The following TFEC variants were observed in gnomAD, a reference collection of about 807,000 sequenced individuals.
TFEC encodes class E basic helix-loop-helix protein 34.
Under a neutral mutation model 41.6 loss-of-function variants are expected in TFEC, and 31 were observed. That is an observed-to-expected ratio of 0.74 (90% confidence interval 0.56 to 1.01). TFEC has a LOEUF of 1.01. TFEC is among the 50% of genes least tolerant of loss of function. The pLI, the probability that TFEC is intolerant of heterozygous loss-of-function variation, is 0.00. For missense variants in TFEC, 402 were observed against 404.1 expected, an observed-to-expected ratio of 0.99 and a Z score of 0.04; for synonymous variants, 143 against 140.6, an observed-to-expected ratio of 1.02 and a Z score of -0.12.
At chr7:116,061,229 A>C (rs1796549564) in intron 3 of TFEC, among the ~76,000 whole-genome samples, 1 of 152,174 alleles carries the variant, frequency 6.6e-6, no homozygotes, top group Non-Finnish European at 1.5e-5. Flanking sequence ...AAGTTTCAAT[A>C]ATCATAATGA....
chr7:116,126,982 T>C (rs141219422), intron 1 of TFEC, among the ~76,000 whole-genome samples: 3 of 152,302 alleles, frequency 2.0e-5, no homozygotes, highest in African/African-American at 7.2e-5. Context: ...AAATCTCCAA[T>C]GGTAGTAGAT....
chr7:115,976,368 T>C (rs1793379502), intron 2 of TFEC, among the ~76,000 whole-genome samples: 1 of 152,090 alleles, frequency 6.6e-6, no homozygotes, highest in South Asian at 2.1e-4. Flanking sequence ...GAGTCTACAG[T>C]GAGCAGAGAT....
At chr7:116,043,882 T>C (rs541028039) in intron 3 of TFEC, among the ~76,000 whole-genome samples, 1 of 152,238 alleles carries the variant, frequency 6.6e-6, no homozygotes, top group Non-Finnish European at 1.5e-5. Flanking sequence ...ATTAGTGAGG[T>C]AGATTGTGTA....
At chr7:116,001,466 G>T (rs957083690) in intron 1 of TFEC, among the ~76,000 whole-genome samples, 1 of 151,150 alleles carries the variant, frequency 6.6e-6, no homozygotes, top group African/African-American at 2.4e-5. Context: ...CTGCACTCCA[G>T]CCTGGGCGAC....
chr7:116,068,972 A>C (rs1370024036), intron 3 of TFEC, among the ~76,000 whole-genome samples: 1 of 151,760 alleles, frequency 6.6e-6, no homozygotes, highest in African/African-American at 2.4e-5. Context: ...ACACAACTTG[A>C]AGAAAATAGA....
At chr7:116,062,224 C>CATTT (rs1796575680) in intron 3 of TFEC, among the ~76,000 whole-genome samples, 1 of 38,686 alleles carries the variant, frequency 2.6e-5, no homozygotes, top group Admixed American at 3.5e-4. Context: ...ACATGCCTGG[C>CATTT]CTTTTTTTTT....
intron 3 of TFEC, among the ~76,000 whole-genome samples, chr7:116,092,675 C>T (rs1354569329): frequency 6.6e-6 from 1 of 152,102 alleles, no homozygotes; most frequent in Non-Finnish European, 1.5e-5. Context: ...AGATGCTCAC[C>T]ACATTAATAC....
At chr7:116,100,378 T>C (rs190360101) in intron 3 of TFEC, among the ~76,000 whole-genome samples, 2 of 152,326 alleles carry the variant, frequency 1.3e-5, no homozygotes, top group East Asian at 3.9e-4. Context: ...CTACTCAAGC[T>C]ATTATTTTAG....
At chr7:116,069,855 T>C (rs1259688883) in intron 3 of TFEC, among the ~76,000 whole-genome samples, 4 of 151,662 alleles carry the variant, frequency 2.6e-5, no homozygotes, top group African/African-American at 7.2e-5. Flanking sequence ...GTCTAATTTC[T>C]GGACTAGAGT....
chr7:115,949,509 T>C (rs1343337027), intron 6 of TFEC, among the ~76,000 whole-genome samples: 4 of 151,920 alleles, frequency 2.6e-5, no homozygotes, highest in South Asian at 4.2e-4. Flanking sequence ...GAGATATAGA[T>C]CAATGGAACA....
At chr7:116,011,465 A>C (rs1794997985) in intron 1 of TFEC, among the ~76,000 whole-genome samples, 1 of 152,130 alleles carries the variant, frequency 6.6e-6, no homozygotes, top group African/African-American at 2.4e-5. Flanking sequence ...ATAGTATATC[A>C]AAAATTAAAA....
intron 3 of TFEC, among the ~76,000 whole-genome samples, chr7:116,064,557 G>A (rs1318027462): frequency 2.0e-5 from 3 of 151,974 alleles, no homozygotes; most frequent in African/African-American, 4.8e-5. Flanking sequence ...GGGGTGGAGG[G>A]CAAGGGGAAG....
chr7:116,106,342 T>C (rs1486430260), intron 3 of TFEC, among the ~76,000 whole-genome samples: 1 of 149,058 alleles, frequency 6.7e-6, no homozygotes, highest in South Asian at 2.1e-4. Context: ...ACTTAAAGTG[T>C]CAGCTGACTG....
intron 1 of TFEC, among the ~76,000 whole-genome samples, chr7:116,124,222 T>C (rs1562978247): frequency 6.6e-6 from 1 of 152,108 alleles, no homozygotes; most frequent in Non-Finnish European, 1.5e-5. Context: ...TAATGGAATA[T>C]AGTTACTTTG....
chr7:116,069,004 T>C (rs1013158239), intron 3 of TFEC, among the ~76,000 whole-genome samples: 9 of 151,700 alleles, frequency 5.9e-5, no homozygotes, highest in Non-Finnish European at 1.3e-4. Context: ...AATATGATTC[T>C]TTAAGATTTG....
At chr7:115,983,373 A>G (rs1482513255) in intron 2 of TFEC, among the ~76,000 whole-genome samples, 1 of 152,096 alleles carries the variant, frequency 6.6e-6, no homozygotes, top group Non-Finnish European at 1.5e-5. Context: ...AATTTAAATA[A>G]TGGGATTCTG....
At chr7:115,997,420 A>T (rs1794410747) in intron 1 of TFEC, among the ~76,000 whole-genome samples, 1 of 152,238 alleles carries the variant, frequency 6.6e-6, no homozygotes, top group South Asian at 2.1e-4. Context: ...TGCAGTGACC[A>T]AGAACTTAGA....
chr7:115,950,232 A>G (rs201060295), intron 6 of TFEC, among the ~76,000 whole-genome samples: 1 of 151,928 alleles, frequency 6.6e-6, no homozygotes. Context: ...GGATGGTCTT[A>G]AACTCCTGAC....
intron 1 of TFEC, among the ~76,000 whole-genome samples, chr7:116,009,064 G>A (rs1041220030): frequency 3.3e-5 from 5 of 152,018 alleles, no homozygotes; most frequent in South Asian, 2.1e-4. Context: ...TGCACTTGAC[G>A]AACACTTGAA....
Sources: gnomAD v4.1 joint callset for allele counts (sites outside exome capture counted in the v4.1 genomes callset) on GRCh38, gnomAD v4.1.1 for gene constraint, MANE v1.5 for transcripts, NCBI Gene and HGNC (gene_info 2026-07-23, HGNC 2026-07-21) for gene names.